The following TAS2R1 variants were observed in gnomAD, a reference collection of about 807,000 sequenced individuals.
TAS2R1 encodes the protein taste 2 receptor member 1.
For missense variants in TAS2R1, 370 were observed against 353.4 expected (o/e 1.05, Z -0.38); for synonymous variants, 141 against 134.2 (o/e 1.05, Z -0.35).
chr5:9,761,479 A>G, the TAS2R1 span, among the ~76,000 whole-genome samples: 12 of 152,282 alleles, frequency 7.9e-5, no homozygotes, highest in East Asian at 2.1e-3. Flanking sequence ...TACACAAATA[A>G]TAAAATAAAA....
chr5:9,850,146 C>T, the TAS2R1 span, among the ~76,000 whole-genome samples: 12 of 152,104 alleles, frequency 7.9e-5, no homozygotes, highest in East Asian at 1.9e-4. Context: ...ATCCCCTGGG[C>T]GCCCCAGCTG....
chr5:9,789,377 G>A, the TAS2R1 span, among the ~76,000 whole-genome samples: 2 of 152,120 alleles, frequency 1.3e-5, no homozygotes, highest in Admixed American at 6.5e-5. Flanking sequence ...CTGCCTTGAC[G>A]TGCGCAGATC....
At chr5:9,888,348 A>C in the TAS2R1 span, among the ~76,000 whole-genome samples, 10 of 152,258 alleles carry the variant, frequency 6.6e-5, no homozygotes, top group African/African-American at 2.4e-4. Flanking sequence ...ATCTCCAAAA[A>C]AAATTATTCA....
chr5:9,865,303 T>G, the TAS2R1 span, among the ~76,000 whole-genome samples: 1 of 152,222 alleles, frequency 6.6e-6, no homozygotes, highest in South Asian at 2.1e-4. Context: ...GGGTCAAGTA[T>G]GATTTTGTAT....
chr5:9,800,082 G>T, the TAS2R1 span, among the ~76,000 whole-genome samples: 2 of 152,166 alleles, frequency 1.3e-5, no homozygotes, highest in African/African-American at 4.8e-5. Context: ...TCCTCTTTTG[G>T]CCTACCTCCT....
At chr5:9,830,613 A>G in the TAS2R1 span, among the ~76,000 whole-genome samples, 4 of 151,862 alleles carry the variant, frequency 2.6e-5, no homozygotes, top group African/African-American at 4.8e-5. Flanking sequence ...GCGCACACAC[A>G]CACACACACA....
chr5:9,836,484 C>T, the TAS2R1 span, among the ~76,000 whole-genome samples: 2 of 150,084 alleles, frequency 1.3e-5, no homozygotes, highest in Non-Finnish European at 2.9e-5. Context: ...CAGCAGCATC[C>T]CTCCATACGC....
At chr5:9,693,923 T>C (rs1407277186) in intron 1 of TAS2R1, among the ~76,000 whole-genome samples, 1 of 152,220 alleles carries the variant, frequency 6.6e-6, no homozygotes, top group African/African-American at 2.4e-5. Context: ...TACATTTCAA[T>C]AGAATTAAAC....
the TAS2R1 span, among the ~76,000 whole-genome samples, chr5:9,727,350 G>A: frequency 6.6e-6 from 1 of 152,194 alleles, no homozygotes; most frequent in African/African-American, 2.4e-5. Flanking sequence ...ATTAGTCTCA[G>A]ATAACACTTT....
At chr5:9,711,753 C>G (rs1264772558) in intron 1 of TAS2R1, among the ~76,000 whole-genome samples, 1 of 152,142 alleles carries the variant, frequency 6.6e-6, no homozygotes, top group Non-Finnish European at 1.5e-5. Context: ...AACTCTACCT[C>G]CCAGGTTTTA....
chr5:9,820,301 CAAG>C, the TAS2R1 span, among the ~76,000 whole-genome samples: 2 of 152,218 alleles, frequency 1.3e-5, no homozygotes, highest in African/African-American at 2.4e-5. Flanking sequence ...AATTGTAGGA[CAAG>C]AAGAAACCCC....
At chr5:9,743,581 C>G in the TAS2R1 span, among the ~76,000 whole-genome samples, 1 of 152,144 alleles carries the variant, frequency 6.6e-6, no homozygotes, top group African/African-American at 2.4e-5. Flanking sequence ...TCTTTGCCAA[C>G]TGTATAATTA....
At chr5:9,766,096 G>T in the TAS2R1 span, among the ~76,000 whole-genome samples, 1,205 of 152,190 alleles carry the variant, frequency 7.9e-3, 12 homozygotes, top group African/African-American at 0.028. Flanking sequence ...TTGTATGCAG[G>T]AATACAGCAC....
At chr5:9,813,475 C>T in the TAS2R1 span, among the ~76,000 whole-genome samples, 1 of 152,144 alleles carries the variant, frequency 6.6e-6, no homozygotes, top group Admixed American at 6.5e-5. Context: ...ACTAGACTTG[C>T]AGCAGCTATC....
the TAS2R1 span, among the ~76,000 whole-genome samples, chr5:9,718,865 G>T: frequency 6.6e-6 from 1 of 151,788 alleles, no homozygotes; most frequent in Non-Finnish European, 1.5e-5. Flanking sequence ...AAGTGAAGGG[G>T]CTACTGTATT....
chr5:9,678,596 C>T (rs543812814), intron 1 of TAS2R1, among the ~76,000 whole-genome samples: 2 of 152,266 alleles, frequency 1.3e-5, no homozygotes, highest in African/African-American at 4.8e-5. Flanking sequence ...GAATATTATG[C>T]AATCATAAAA....
At chr5:9,707,411 TA>T (rs1454786764) in intron 1 of TAS2R1, among the ~76,000 whole-genome samples, 2 of 152,196 alleles carry the variant, frequency 1.3e-5, no homozygotes, top group Non-Finnish European at 2.9e-5. Context: ...CAAGTCATCT[TA>T]AAAGACCAGA....
rs746500904 is a variant in TAS2R1, at chr5:9,629,857, T to C, written c.176A>G (p.Gln59Arg). The change falls in exon 1 of 1, where the codon CAG becomes CGG. Residue 59 changes from glutamine to arginine, a missense_variant. By Grantham distance (43) the Gln-to-Arg change is conservative. Coordinates refer to ENST00000382492, the MANE Select transcript of TAS2R1 (RefSeq NM_019599.3). ...CACATTAACGTAGAAGATGAACAAC[T>C]GCAGAAAAATTCTAGAAACTGCCAG... ...SCLAVSRIFL[Q>R]LFIFYVNVIV... 5.6e-6 allele frequency: 9 copies of C among 1,613,340 alleles called. No individual in the cohort carries two copies. The Admixed American group carries it at 1.0e-4, about 18-fold the overall frequency.
At chr5:9,791,870 G>T in the TAS2R1 span, among the ~76,000 whole-genome samples, 1 of 152,158 alleles carries the variant, frequency 6.6e-6, no homozygotes, top group Admixed American at 6.5e-5. Flanking sequence ...AGGTCCATTT[G>T]TGAACTAGAA....
Sources: gnomAD v4.1 joint callset for allele counts (sites outside exome capture counted in the v4.1 genomes callset) on GRCh38, gnomAD v4.1.1 for gene constraint, MANE v1.5 for transcripts, NCBI Gene and HGNC (gene_info 2026-07-23, HGNC 2026-07-21) for gene names.